Variants in DLGAP2 observed in about 807,000 individuals in gnomAD.
DLGAP2 encodes the protein disks large-associated protein 2.
Under a neutral mutation model 100.3 loss-of-function variants are expected in DLGAP2, and 26 were observed. The observed-to-expected ratio is 0.26, with a 90% CI of 0.19 to 0.36. DLGAP2 has a LOEUF of 0.36. Ranked by LOEUF, DLGAP2 falls within the 10% of genes least tolerant of loss-of-function variation. The probability of loss-of-function intolerance (pLI) is 1.00; values close to 1 mark genes in which losing one functional copy is unlikely to be tolerated. For missense variants in DLGAP2, 1,858 were observed against 1,453.2 expected (o/e 1.28, Z -4.53); for synonymous variants, 886 against 630.1 (o/e 1.41, Z -6.08).
intron 1 of DLGAP2, chr8:893,202 C>T (rs889291149): frequency 9.9e-5 from 15 of 152,218 alleles, no homozygotes; most frequent in African/African-American, 3.4e-4. Flanking sequence ...AGGCCGGATC[C>T]TGCAGAGTGG....
intron 2 of DLGAP2, among the ~76,000 whole-genome samples, chr8:927,589 G>A (rs967525322): frequency 2.0e-5 from 3 of 152,116 alleles, no homozygotes; most frequent in Non-Finnish European, 4.4e-5. Flanking sequence ...AGACATAATC[G>A]TAACAATTCT....
chr8:1,640,950 T>C lies in DLGAP2; in HGVS notation c.1810+7904T>C, dbSNP rs111393540. Among the ~76,000 whole-genome samples, 145 of 152,346 alleles carry C rather than the reference T, an allele frequency of 9.5e-4. 2 individuals are homozygous for C. Among genetic ancestry groups the C allele is most frequent in the African/African-American group, 3.2e-3 (134 of 41,576 alleles). Reference sequence around the variant, plus strand: ...TATAGGATGAGTGGATGAAAGCCGGTTGGCCCTGGGGACCGGTAGGGAGAA... The same window carrying C: ...TATAGGATGAGTGGATGAAAGCCGGCTGGCCCTGGGGACCGGTAGGGAGAA... On this transcript the variant is annotated intron_variant, in intron 8 of 14. Transcript: ENST00000637795.
chr8:1,524,384 C>T (rs995090173), intron 4 of DLGAP2, among the ~76,000 whole-genome samples: 2 of 152,160 alleles, frequency 1.3e-5, no homozygotes, highest in Non-Finnish European at 2.9e-5. Context: ...GTGTGAGTCA[C>T]ATTTAGCGTT....
chr8:1,298,979 C>G (rs371551995), intron 3 of DLGAP2, among the ~76,000 whole-genome samples: 1 of 152,126 alleles, frequency 6.6e-6, no homozygotes, highest in Non-Finnish European at 1.5e-5. Flanking sequence ...GTGGCTCGTG[C>G]TGAATGACCC....
At chr8:1,425,118 T>A (rs1797203075) in intron 3 of DLGAP2, among the ~76,000 whole-genome samples, 1 of 152,248 alleles carries the variant, frequency 6.6e-6, no homozygotes, top group Admixed American at 6.5e-5. Flanking sequence ...AGGTAGTTTT[T>A]AAAATTATAT....
intron 2 of DLGAP2, among the ~76,000 whole-genome samples, chr8:1,153,179 C>T (rs571883833): frequency 1.2e-4 from 19 of 152,192 alleles, no homozygotes; most frequent in South Asian, 2.1e-4. Flanking sequence ...TTCCAGGCTC[C>T]GAGCGGTGTG....
intron 3 of DLGAP2, among the ~76,000 whole-genome samples, chr8:1,456,656 A>C (rs1055934555): frequency 1.3e-5 from 2 of 151,928 alleles, no homozygotes; most frequent in African/African-American, 4.8e-5. Flanking sequence ...TCATTAGAAA[A>C]ATAAAATGAG....
chr8:757,191 C>T (rs777600919), intron 1 of DLGAP2, among the ~76,000 whole-genome samples: 3 of 152,122 alleles, frequency 2.0e-5, no homozygotes, highest in Non-Finnish European at 4.4e-5. Flanking sequence ...TAAACTTGCT[C>T]CAAAAAATTC....
chr8:859,400 G>A (rs1797347033), intron 1 of DLGAP2, among the ~76,000 whole-genome samples: 1 of 152,176 alleles, frequency 6.6e-6, no homozygotes, highest in Non-Finnish European at 1.5e-5. Flanking sequence ...GTGTGAGCCA[G>A]CACACCTGGC....
chr8:1,027,751 G>A (rs1399920456), intron 2 of DLGAP2, among the ~76,000 whole-genome samples: 2 of 128,136 alleles, frequency 1.6e-5, no homozygotes. Flanking sequence ...TCAGGCGCCC[G>A]TTATTCTCCA....
intron 3 of DLGAP2, among the ~76,000 whole-genome samples, chr8:1,481,450 T>A (rs1364254694): frequency 4.0e-5 from 5 of 126,184 alleles, no homozygotes; most frequent in African/African-American, 1.5e-4. Context: ...TTTATTGGAT[T>A]TTCTTTTTCT....
intron 1 of DLGAP2, among the ~76,000 whole-genome samples, chr8:904,861 A>G (rs1043722246): frequency 6.6e-6 from 1 of 152,236 alleles, no homozygotes; most frequent in Non-Finnish European, 1.5e-5. Context: ...CCTTTGGGCA[A>G]TAAGGATAAT....
chr8:1,175,305 C>G (rs74691159), intron 2 of DLGAP2, among the ~76,000 whole-genome samples: 170 of 151,824 alleles, frequency 1.1e-3, no homozygotes, highest in African/African-American at 3.7e-3. Context: ...TGGGGAAGAT[C>G]AATACATGTA....
At chr8:1,539,105 T>G (rs1408340470) in intron 4 of DLGAP2, among the ~76,000 whole-genome samples, 1 of 152,122 alleles carries the variant, frequency 6.6e-6, no homozygotes, top group Non-Finnish European at 1.5e-5. Context: ...AGGCTGATCT[T>G]GAACTCTCAA....
At chr8:1,112,057 C>T (rs1266944287) in intron 2 of DLGAP2, among the ~76,000 whole-genome samples, 1 of 152,040 alleles carries the variant, frequency 6.6e-6, no homozygotes, top group Non-Finnish European at 1.5e-5. Flanking sequence ...TCTCCACAAC[C>T]TCACCAGCAT....
chr8:1,278,005 T>C (rs374650464), intron 3 of DLGAP2, among the ~76,000 whole-genome samples: 3 of 152,202 alleles, frequency 2.0e-5, no homozygotes, highest in Non-Finnish European at 4.4e-5. Flanking sequence ...AAACAAGTTA[T>C]TATTTTTAGT....
At chr8:789,025 C>T (rs1241942641) in intron 1 of DLGAP2, among the ~76,000 whole-genome samples, 1 of 152,116 alleles carries the variant, frequency 6.6e-6, no homozygotes, top group African/African-American at 2.4e-5. Context: ...AAGGTTTTGC[C>T]GGTTTTTAAA....
At chr8:1,295,615 A>C (rs1428109128) in intron 3 of DLGAP2, among the ~76,000 whole-genome samples, 1 of 152,138 alleles carries the variant, frequency 6.6e-6, no homozygotes, top group Non-Finnish European at 1.5e-5. Flanking sequence ...GTGTCAAGGT[A>C]GGATTATGCC....
chr8:1,687,209 A>ATATT (rs1799138150), intron 12 of DLGAP2, among the ~76,000 whole-genome samples: 1 of 152,218 alleles, frequency 6.6e-6, no homozygotes, highest in Non-Finnish European at 1.5e-5. Flanking sequence ...TCCATCTCAA[A>ATATT]TATTAGAACA....
Sources: allele counts gnomAD v4.1 joint callset (sites outside exome capture counted in the v4.1 genomes callset), GRCh38; gene constraint gnomAD v4.1.1; transcripts MANE v1.5; gene names NCBI Gene and HGNC (gene_info 2026-07-23, HGNC 2026-07-21).